ZBTB38: variants seen among roughly 807,000 people sequenced by gnomAD.
The protein encoded by ZBTB38 is zinc finger and BTB domain-containing protein 38.
Under a neutral mutation model 76.8 loss-of-function variants are expected in ZBTB38, and 20 were observed. The ratio of observed to expected loss-of-function variants is 0.26; its 90% CI spans 0.18 to 0.38. ZBTB38 has a LOEUF of 0.38. Among genes scored for constraint, ZBTB38 ranks in the 10% least tolerant of loss-of-function variants. The pLI is 1.00. For missense variants in ZBTB38, 1,082 were observed against 1,482.3 expected, an observed-to-expected ratio of 0.73 and a Z score of 4.43; for synonymous variants, 504 against 544.2, an observed-to-expected ratio of 0.93 and a Z score of 1.03.
chr3:141,448,625 T>C lies in ZBTB38; in HGVS notation c.*2649T>C, dbSNP rs959132938. 9 of 152,252 alleles carry C rather than the reference T, an allele frequency of 5.9e-5. No homozygotes were observed. The highest frequency in any genetic ancestry group is 8.8e-5 in the Non-Finnish European group (6 of 68,040). The allele number at this position is 152,252 out of a possible 1,614,324, so 9.4% of individuals were successfully genotyped here. On this transcript the variant is annotated 3_prime_UTR_variant, in exon 6 of 6. Coordinates refer to ENST00000321464, the MANE Select transcript of ZBTB38 (RefSeq NM_001376113.1). ...TATTATTAAATGCAGATGTTAAGGA[T>C]TGGAAAAGTCTAATTTTATTTTTAG...
chr3:141,329,249 A>T (rs1353656036), intron 1 of ZBTB38, among the ~76,000 whole-genome samples: 3 of 152,206 alleles, frequency 2.0e-5, no homozygotes, highest in Non-Finnish European at 4.4e-5. Context: ...ATAGATGAGT[A>T]TGTGAAGGAA....
rs1237155074 is a variant in ZBTB38, at chr3:141,445,639, A to T, written c.3251A>T (p.His1084Leu). ...ACCTTGAATGAGACCCTCAAAATCCATGAAAGAATCCATACTGGAGAAAAG... is the reference window on the plus strand; with the variant it reads ...ACCTTGAATGAGACCCTCAAAATCCTTGAAAGAATCCATACTGGAGAAAAG... ...AFTLNETLKI[H>L]ERIHTGEKRY... Residue 1084 changes from histidine (H) to leucine (L), a missense_variant, in exon 6 of 6, where the codon CAT (histidine) becomes CTT (leucine). Transcript: ENST00000321464. The surrounding 1 kb of genome is among the most constrained non-coding windows in gnomAD (Gnocchi z 6.5). The T allele has an allele frequency of 1.2e-6, 2 of 1,614,222 alleles. No individual in the cohort carries two copies. Among genetic ancestry groups the T allele is most frequent in the Non-Finnish European group, 1.7e-6 (2 of 1,180,030 alleles).
intron 5 of ZBTB38, among the ~76,000 whole-genome samples, chr3:141,412,707 G>C (rs761727407): frequency 6.6e-5 from 10 of 151,850 alleles, no homozygotes; most frequent in Non-Finnish European, 1.0e-4. Context: ...CTTTCCTTCT[G>C]TTTCTATTAC....
In ZBTB38 at chr3:141,446,101, ATTTGTGAAAATTCCAG is replaced by A; in HGVS notation, c.*126_*141del. On this transcript the variant is annotated 3_prime_UTR_variant, in exon 6 of 6. Transcript: ENST00000321464. ...GTGAAATTAAAAAAAAAAAAAACTC[ATTTGTGAAAATTCCAG>A]AAAAAGGATCCTAATATCTACTTTG... 3 of 882,080 alleles carry A rather than the reference ATTTGTGAAAATTCCAG, an allele frequency of 3.4e-6. No individual in the cohort carries two copies. The highest frequency in any genetic ancestry group is 4.7e-6 in the Non-Finnish European group (3 of 633,224). 54.6% of individuals were successfully genotyped at this position (882,080 alleles called of 1,614,324 possible). A position where few individuals can be genotyped will look rare whatever the true frequency, so the allele number is the denominator to read the frequency against.
At chr3:141,431,572 C>T (rs985465729) in intron 5 of ZBTB38, among the ~76,000 whole-genome samples, 9 of 151,934 alleles carry the variant, frequency 5.9e-5, no homozygotes, top group African/African-American at 2.2e-4. Context: ...AGGACCTTTT[C>T]CCCCTTTCAT....
intron 2 of ZBTB38, 141 bp from the exon 3 acceptor site, chr3:141,381,284 G>A (rs189978689): frequency 6.6e-6 from 1 of 152,374 alleles, no homozygotes; most frequent in Admixed American, 6.5e-5. Context: ...GACACCTGTT[G>A]AGGATGCTCC....
In ZBTB38 at chr3:141,445,007, G is replaced by T; in HGVS notation, c.2619G>T (p.Glu873Asp). ...GRRPKYQMQE[E>D]PLPQGNDPEP... ...GACCCAAGTATCAGATGCAGGAGGA[G>T]CCTTTGCCACAGGGGAATGACCCAG... The change falls in exon 6 of 6, where the codon GAG (glutamate) becomes GAT (aspartate). Residue 873 changes from glutamate (E) to aspartate (D), a missense_variant. This residue lies in a region of ZBTB38 where 471 missense variants were observed against 581.0 expected (regional missense o/e 0.81). Transcript: ENST00000321464. The surrounding 1 kb of genome is among the most constrained non-coding windows in gnomAD (Gnocchi z 6.5). The T allele has an allele frequency of 1.9e-6, 3 of 1,614,194 alleles. No homozygotes were observed. Among genetic ancestry groups the T allele is most frequent in the South Asian group, 1.1e-5 (1 of 91,086 alleles).
chr3:141,439,634 G>A (rs74793280), intron 5 of ZBTB38, among the ~76,000 whole-genome samples: 6 of 152,166 alleles, frequency 3.9e-5, no homozygotes, highest in African/African-American at 1.2e-4. Context: ...GCCGTATTCC[G>A]CAAATGGAAG....
intron 1 of ZBTB38, among the ~76,000 whole-genome samples, chr3:141,335,057 C>T (rs1022519840): frequency 9.2e-5 from 14 of 152,150 alleles, no homozygotes; most frequent in African/African-American, 3.4e-4. Flanking sequence ...CCGACACTAC[C>T]GCTTCTGCTG....
intron 3 of ZBTB38, among the ~76,000 whole-genome samples, chr3:141,382,233 C>T (rs1946304592): frequency 6.6e-6 from 1 of 152,154 alleles, no homozygotes; most frequent in Admixed American, 6.5e-5. Flanking sequence ...AACCCAAAAC[C>T]AAACAAACAA....
intron 5 of ZBTB38, among the ~76,000 whole-genome samples, chr3:141,419,299 C>T (rs1487110857): frequency 1.3e-5 from 2 of 152,196 alleles, no homozygotes; most frequent in Non-Finnish European, 2.9e-5. Context: ...CCAGGCCCCT[C>T]CTCCAGTTCA....
chr3:141,366,553 T>C (rs545199360), upstream of ZBTB38: 1 of 152,334 alleles, frequency 6.6e-6, no homozygotes, highest in Admixed American at 6.5e-5. Context: ...CCTCTATAAA[T>C]TCCACCTGCC....
intron 5 of ZBTB38, among the ~76,000 whole-genome samples, chr3:141,424,754 G>A (rs1011159654): frequency 6.6e-6 from 1 of 152,170 alleles, no homozygotes; most frequent in South Asian, 2.1e-4. Context: ...CACTGTGAGG[G>A]GGTCTGGGGA....
At chr3:141,426,245 A>ATCC in intron 5 of ZBTB38, 1 of 1,236,772 alleles carries the variant, frequency 8.1e-7, no homozygotes, top group Non-Finnish European at 1.1e-6. Context: ...TTTCAGCAGG[A>ATCC]TGCAAAAGCA....
chr3:141,368,420 G>T (rs918980667), upstream of ZBTB38: 1 of 150,970 alleles, frequency 6.6e-6, no homozygotes, highest in Non-Finnish European at 1.5e-5. Context: ...AGGGCAGCCC[G>T]GCCCGGGCTG....
chr3:141,364,422 A>T (rs1245889044), upstream of ZBTB38, among the ~76,000 whole-genome samples: 1 of 151,718 alleles, frequency 6.6e-6, no homozygotes, highest in Non-Finnish European at 1.5e-5. Context: ...TCACACCTGT[A>T]ATCCCAGCAC....
intron 5 of ZBTB38, among the ~76,000 whole-genome samples, chr3:141,420,800 T>C (rs1169095626): frequency 6.6e-6 from 1 of 152,142 alleles, no homozygotes; most frequent in Non-Finnish European, 1.5e-5. Flanking sequence ...CAGGAATCAG[T>C]AGAGCATGTT....
At chr3:141,366,417 T>C (rs1418084491), upstream of ZBTB38, 1 of 152,236 alleles carries the variant, frequency 6.6e-6, no homozygotes. Context: ...CTGCCAAAAA[T>C]GCCTGGAACT....
intron 5 of ZBTB38, among the ~76,000 whole-genome samples, chr3:141,406,469 G>T (rs1577123876): frequency 6.6e-6 from 1 of 152,182 alleles, no homozygotes; most frequent in Non-Finnish European, 1.5e-5. Context: ...CAGAGCAGTG[G>T]TACCCATGGA....
Sources: allele counts gnomAD v4.1 joint callset (sites outside exome capture counted in the v4.1 genomes callset), GRCh38; gene constraint gnomAD v4.1.1; regional missense constraint gnomAD v4.1.1; non-coding constraint Gnocchi (gnomAD v3.1); transcripts MANE v1.5; gene names NCBI Gene and HGNC (gene_info 2026-07-23, HGNC 2026-07-21).